CADM1: variants seen among roughly 807,000 people sequenced by gnomAD.
CADM1 encodes TSLC-1.
A neutral mutation model predicts 53.1 loss-of-function variants in CADM1; 15 were observed. That is an observed-to-expected ratio of 0.28 (90% CI 0.19 to 0.44). CADM1 has a LOEUF of 0.44. Among genes scored for constraint, CADM1 ranks in the 20% least tolerant of loss-of-function variants. The pLI is 1.00. For synonymous variants in CADM1, 281 were observed against 243.0 expected (o/e 1.16, Z -1.45); for missense variants, 434 against 611.3 (o/e 0.71, Z 3.06).
At chr11:115,337,476 C>T (rs959765481) in intron 1 of CADM1, among the ~76,000 whole-genome samples, 4 of 152,108 alleles carry the variant, frequency 2.6e-5, no homozygotes, top group African/African-American at 9.7e-5. Context: ...ATTCGACCTG[C>T]ACCCCTCCTT....
At chr11:115,186,509 T>C (rs561138256) in intron 10 of CADM1, among the ~76,000 whole-genome samples, 6 of 152,234 alleles carry the variant, frequency 3.9e-5, no homozygotes, top group African/African-American at 9.6e-5. Flanking sequence ...GTGGATTTCA[T>C]AGGGGGAAAG....
chr11:115,352,554 A>G (rs1251874096), intron 1 of CADM1, among the ~76,000 whole-genome samples: 2 of 152,230 alleles, frequency 1.3e-5, no homozygotes, highest in East Asian at 3.8e-4. Flanking sequence ...TCTCCAGGAA[A>G]AATATTACAG....
chr11:115,386,745 T>C, intron 1 of CADM1, among the ~76,000 whole-genome samples: 1 of 152,200 alleles, frequency 6.6e-6, no homozygotes. Flanking sequence ...TTAAAGGCTC[T>C]ACCTCTCAAT....
chr11:115,462,655 G>A (rs1053335194), intron 1 of CADM1, among the ~76,000 whole-genome samples: 25 of 152,192 alleles, frequency 1.6e-4, no homozygotes, highest in African/African-American at 5.3e-4. Flanking sequence ...AGGGACATTA[G>A]AAAAACATGA....
At chr11:115,342,923 T>C (rs1209422290) in intron 1 of CADM1, among the ~76,000 whole-genome samples, 1 of 152,172 alleles carries the variant, frequency 6.6e-6, no homozygotes, top group East Asian at 1.9e-4. Context: ...TTAAAGACCT[T>C]GTAGAAAGTC....
In CADM1 at chr11:115,174,719, C is replaced by T. The variant is rs1331443695; in HGVS notation, c.*1755G>A. On this transcript the variant is annotated 3_prime_UTR_variant, in exon 12 of 12. Transcript: ENST00000331581. The stretch of plus-strand genomic sequence containing the variant: ...ATGCACCTTGCAAAATCCAAAATTA[C>T]TCACTGAAAATGTAATAGAATATAT... 1.1e-6 allele frequency: 1 copy of T among 918,864 alleles called. No homozygotes were observed. Among genetic ancestry groups the T allele is most frequent in the Non-Finnish European group, 1.3e-6 (1 of 768,984 alleles). 56.9% of individuals were successfully genotyped at this position (918,864 alleles called of 1,614,324 possible). A position where few individuals can be genotyped will look rare whatever the true frequency, so the allele number is the denominator to read the frequency against.
At chr11:115,253,773 G>A (rs1299756601) in intron 1 of CADM1, among the ~76,000 whole-genome samples, 1 of 152,172 alleles carries the variant, frequency 6.6e-6, no homozygotes, top group African/African-American at 2.4e-5. Context: ...TCTCCATGAA[G>A]AGAGCTCTGA....
intron 1 of CADM1, among the ~76,000 whole-genome samples, chr11:115,474,852 A>G (rs1280807304): frequency 6.6e-6 from 1 of 152,128 alleles, no homozygotes; most frequent in African/African-American, 2.4e-5. Flanking sequence ...TATAATAATT[A>G]AAAAAACCAT....
chr11:115,189,673 C>G (rs1939749727), intron 10 of CADM1, among the ~76,000 whole-genome samples: 1 of 152,136 alleles, frequency 6.6e-6, no homozygotes, highest in South Asian at 2.1e-4. Flanking sequence ...GATTGGCTGT[C>G]TATCTTTCTA....
At chr11:115,227,211 G>C (rs558492830) in intron 5 of CADM1, among the ~76,000 whole-genome samples, 1 of 152,222 alleles carries the variant, frequency 6.6e-6, no homozygotes, top group Non-Finnish European at 1.5e-5. Flanking sequence ...TTAAAGGCTC[G>C]CAGTACTTTG....
At chr11:115,207,113 TAGA>T (rs1425910644) in intron 8 of CADM1, among the ~76,000 whole-genome samples, 1 of 152,152 alleles carries the variant, frequency 6.6e-6, no homozygotes, top group Non-Finnish European at 1.5e-5. Context: ...ACAGTAAGCC[TAGA>T]AGATCACATC....
At chr11:115,330,023 G>C (rs1449756660) in intron 1 of CADM1, among the ~76,000 whole-genome samples, 3 of 151,248 alleles carry the variant, frequency 2.0e-5, no homozygotes, top group Admixed American at 2.0e-4. Flanking sequence ...ATGGGTACAG[G>C]ATAGAGGGGT....
At chr11:115,176,851 T>C (rs767839134) in intron 11 of CADM1, among the ~76,000 whole-genome samples, 14 of 152,170 alleles carry the variant, frequency 9.2e-5, no homozygotes, top group African/African-American at 1.2e-4. Context: ...CCAGAGGATG[T>C]CAGCAGAAGA....
chr11:115,232,209 C>T (rs78042766), intron 3 of CADM1, among the ~76,000 whole-genome samples: 1,923 of 152,238 alleles, frequency 0.013, 51 homozygotes, highest in African/African-American at 0.044. Context: ...TCTTGAATTT[C>T]AATCTTCAAA....
At chr11:115,188,969 A>C (rs1939711076) in intron 10 of CADM1, among the ~76,000 whole-genome samples, 1 of 151,802 alleles carries the variant, frequency 6.6e-6, no homozygotes, top group Admixed American at 6.6e-5. Flanking sequence ...ATAGTAATTG[A>C]TTAATCAGCA....
chr11:115,186,441 G>T (rs553392180), intron 10 of CADM1, among the ~76,000 whole-genome samples: 2 of 152,066 alleles, frequency 1.3e-5, no homozygotes, highest in South Asian at 4.2e-4. Flanking sequence ...CCCCGGGTGC[G>T]CACAGTGAAT....
intron 1 of CADM1, among the ~76,000 whole-genome samples, chr11:115,418,292 A>T (rs964388938): frequency 6.6e-6 from 1 of 152,198 alleles, no homozygotes; most frequent in Non-Finnish European, 1.5e-5. Context: ...GGAACACGCA[A>T]GTGGTTAAGA....
At chr11:115,204,585 T>C (rs761770889) in intron 8 of CADM1, among the ~76,000 whole-genome samples, 1 of 152,056 alleles carries the variant, frequency 6.6e-6, no homozygotes, top group Non-Finnish European at 1.5e-5. Flanking sequence ...CCCTGGGGAA[T>C]AGCCAGCTGT....
At chr11:115,361,307 A>T (rs1946023758) in intron 1 of CADM1, among the ~76,000 whole-genome samples, 1 of 152,190 alleles carries the variant, frequency 6.6e-6, no homozygotes, top group South Asian at 2.1e-4. Context: ...CTCTTACCAG[A>T]AAGAAGTCAG....
Sources: gnomAD v4.1 joint callset for allele counts (sites outside exome capture counted in the v4.1 genomes callset) on GRCh38, gnomAD v4.1.1 for gene constraint, MANE v1.5 for transcripts, NCBI Gene and HGNC (gene_info 2026-07-23, HGNC 2026-07-21) for gene names.